The following CNTN5 variants were observed in gnomAD, a reference collection of about 807,000 sequenced individuals.
CNTN5 encodes the protein contactin 5.
CNTN5 carries 77 observed loss-of-function variants against 129.1 expected under a neutral mutation model. The observed-to-expected ratio is 0.60, with a 90% CI of 0.50 to 0.72. The LOEUF (loss-of-function observed/expected upper bound fraction) is 0.72, where lower values mean the gene tolerates loss of function less well. CNTN5 is among the 30% of genes least tolerant of loss of function. The pLI, the probability that CNTN5 is intolerant of heterozygous loss-of-function variation, is 0.00. For missense variants in CNTN5, 1,478 were observed against 1,328.8 expected, an observed-to-expected ratio of 1.11 and a Z score of -1.75; for synonymous variants, 509 against 465.6, an observed-to-expected ratio of 1.09 and a Z score of -1.20.
chr11:100,042,374 T>C (rs1179930827), intron 9 of CNTN5, among the ~76,000 whole-genome samples: 1 of 152,174 alleles, frequency 6.6e-6, no homozygotes, highest in Non-Finnish European at 1.5e-5. Context: ...ATACAATGTT[T>C]CCTTTTTTTT....
In CNTN5 at chr11:99,704,305, A is replaced by G. The variant is rs548405446; in HGVS notation, c.56-115239A>G. Among the ~76,000 whole-genome samples the G allele has an allele frequency of 6.6e-5, 10 of 151,120 alleles. No homozygotes were observed. In the South Asian group the frequency reaches 2.1e-3, roughly 31 times the overall value. On this transcript the variant is annotated intron_variant, in intron 3 of 24. Coordinates refer to ENST00000524871, the MANE Select transcript of CNTN5 (RefSeq NM_014361.4). ...AACTTATTAAATGCCACGTTAAATG[A>G]TTACAAAATTGATATGAATTGGAGG...
At chr11:99,220,774 T>C (rs1860360684) in intron 1 of CNTN5, among the ~76,000 whole-genome samples, 1 of 151,912 alleles carries the variant, frequency 6.6e-6, no homozygotes, top group African/African-American at 2.4e-5. Flanking sequence ...CAGAAAATAT[T>C]GTGTTGTGTT....
At chr11:99,808,540 C>T (rs927116796) in intron 3 of CNTN5, among the ~76,000 whole-genome samples, 3 of 152,112 alleles carry the variant, frequency 2.0e-5, no homozygotes, top group African/African-American at 7.2e-5. Context: ...CCTCAGTAAC[C>T]TGTAATTCCT....
At chr11:99,162,174 C>T (rs1057453564) in intron 1 of CNTN5, among the ~76,000 whole-genome samples, 1 of 152,074 alleles carries the variant, frequency 6.6e-6, no homozygotes, top group Admixed American at 6.5e-5. Flanking sequence ...CTATCTTGTC[C>T]TGTTTTGATG....
chr11:99,442,535 G>T (rs1943878775), intron 2 of CNTN5, among the ~76,000 whole-genome samples: 1 of 152,036 alleles, frequency 6.6e-6, no homozygotes. Flanking sequence ...GAAATTATGG[G>T]GACAGAGCTC....
intron 3 of CNTN5, among the ~76,000 whole-genome samples, chr11:99,739,160 A>G (rs749084171): frequency 3.3e-5 from 5 of 152,140 alleles, no homozygotes; most frequent in Non-Finnish European, 7.4e-5. Flanking sequence ...TGCACTTACC[A>G]CATAGAGCAT....
rs531523890 is a variant in CNTN5 at position 100,167,922 on chromosome 11, T to C, written c.1581-23204T>C. Among the ~76,000 whole-genome samples, 9 of 152,086 alleles carry C rather than the reference T, an allele frequency of 5.9e-5. 1 individual carries two copies. The highest frequency in any genetic ancestry group is 1.4e-4 in the African/African-American group (6 of 41,532). On this transcript the variant is annotated intron_variant, in intron 13 of 24. Transcript: ENST00000524871. ...GACAGAATTTACAAGTGCATCTCCA[T>C]TGAATACACAAATGATAAGAGTGCA... is the stretch of plus-strand genomic sequence containing the variant.
chr11:100,100,463 A>T (rs1035316302), intron 13 of CNTN5, among the ~76,000 whole-genome samples: 1 of 152,200 alleles, frequency 6.6e-6, no homozygotes, highest in Middle Eastern at 3.4e-3. Flanking sequence ...TTCTACAAAC[A>T]TTTACCATAG....
At chr11:99,926,910 T>C (rs570800742) in intron 7 of CNTN5, among the ~76,000 whole-genome samples, 1 of 152,290 alleles carries the variant, frequency 6.6e-6, no homozygotes, top group East Asian at 1.9e-4. Flanking sequence ...AGTTTTACTT[T>C]GAAATACGTT....
chr11:99,228,365 A>G (rs1860805215), intron 1 of CNTN5, among the ~76,000 whole-genome samples: 1 of 152,120 alleles, frequency 6.6e-6, no homozygotes, highest in Non-Finnish European at 1.5e-5. Context: ...ACAAAGAAAG[A>G]TTGGTTAACA....
At chr11:99,241,331 T>TC (rs1861548597) in intron 1 of CNTN5, among the ~76,000 whole-genome samples, 1 of 149,550 alleles carries the variant, frequency 6.7e-6, no homozygotes, top group African/African-American at 2.5e-5. Flanking sequence ...TTTTTTTTTT[T>TC]TTTTTTTTGA....
chr11:99,894,820 G>A (rs1232061651), intron 6 of CNTN5, among the ~76,000 whole-genome samples: 1 of 152,062 alleles, frequency 6.6e-6, no homozygotes, highest in Non-Finnish European at 1.5e-5. Context: ...ACGTGGTTTT[G>A]GATTTAGAAA....
rs138337953 is a variant in CNTN5, at chr11:99,744,710, A to G, written c.56-74834A>G. Among the ~76,000 whole-genome samples, 1,014 of 135,352 alleles carry G rather than the reference A, an allele frequency of 7.5e-3. 17 individuals are homozygous for G. Among genetic ancestry groups the G allele is most frequent in the African/African-American group, 0.026 (943 of 35,980 alleles). The allele number at this position is 135,352 out of a possible 152,430, so 88.8% of individuals were successfully genotyped here. ...ACTACAGCCTGGGCAACAGGGTAAG[A>G]CCCTGTCTCAGAAAAAAAAAAAAAA... is the stretch of plus-strand genomic sequence containing the variant. On this transcript the variant is annotated intron_variant, in intron 3 of 24. Coordinates refer to ENST00000524871, the MANE Select transcript of CNTN5 (RefSeq NM_014361.4).
chr11:99,127,270 CT>C (rs1199401077), intron 1 of CNTN5, among the ~76,000 whole-genome samples: 2 of 152,146 alleles, frequency 1.3e-5, no homozygotes, highest in Middle Eastern at 3.2e-3. Flanking sequence ...TGATTTTCTT[CT>C]TTTTTCTTTT....
intron 1 of CNTN5, among the ~76,000 whole-genome samples, chr11:99,157,041 A>G (rs959668885): frequency 2.0e-5 from 3 of 151,974 alleles, no homozygotes; most frequent in African/African-American, 7.2e-5. Flanking sequence ...AAAACCTTGC[A>G]TGCATGATTT....
chr11:99,696,565 G>A (rs145942307), intron 3 of CNTN5, among the ~76,000 whole-genome samples: 1 of 151,840 alleles, frequency 6.6e-6, no homozygotes, highest in African/African-American at 2.4e-5. Flanking sequence ...ATTTATGGAG[G>A]AATTGGCTAT....
intron 23 of CNTN5, among the ~76,000 whole-genome samples, chr11:100,344,310 A>G (rs1335778484): frequency 6.6e-6 from 1 of 152,186 alleles, no homozygotes; most frequent in Non-Finnish European, 1.5e-5. Context: ...AAAGTTATTG[A>G]AACATAATAA....
In CNTN5 at chr11:99,417,053, G is replaced by T. The variant is rs191666013; in HGVS notation, c.-71+91569G>T. On this transcript the variant is annotated intron_variant, in intron 2 of 24. Coordinates refer to ENST00000524871, the MANE Select transcript of CNTN5 (RefSeq NM_014361.4). ...TAGAATTGAACAACAAACGCAAATT[G>T]ACTTTAAAATCAATGACCTTCACAG... is the stretch of plus-strand genomic sequence containing the variant. 5.9e-3 allele frequency among the ~76,000 whole-genome samples: 897 copies of T among 152,162 alleles called. 9 individuals are homozygous for T. The highest frequency in any genetic ancestry group is 0.02 in the African/African-American group (811 of 41,510).
chr11:100,159,389 A>G (rs1947363824), intron 13 of CNTN5, among the ~76,000 whole-genome samples: 1 of 151,884 alleles, frequency 6.6e-6, no homozygotes, highest in Non-Finnish European at 1.5e-5. Flanking sequence ...TAAAATATCT[A>G]CCATACACCA....
Sources: gnomAD v4.1 joint callset for allele counts (sites outside exome capture counted in the v4.1 genomes callset) on GRCh38, gnomAD v4.1.1 for gene constraint, MANE v1.5 for transcripts, NCBI Gene and HGNC (gene_info 2026-07-23, HGNC 2026-07-21) for gene names.